Variants in VPS13B observed in about 807,000 individuals in gnomAD.
The protein encoded by VPS13B is intermembrane lipid transfer protein VPS13B.
In VPS13B, 285 loss-of-function variants were observed where a neutral mutation model predicts 426.4. The observed-to-expected ratio is 0.67, with a 90% confidence interval of 0.61 to 0.74. The LOEUF (loss-of-function observed/expected upper bound fraction) is 0.74. Among genes scored for constraint, VPS13B ranks in the 30% least tolerant of loss-of-function variants. VPS13B has a pLI of 0.00. For missense variants in VPS13B, 4,537 were observed against 4,782.6 expected, an observed-to-expected ratio of 0.95 and a Z score of 1.51; for synonymous variants, 1,676 against 1,676.4, an observed-to-expected ratio of 1.00 and a Z score of 0.01.
intron 33 of VPS13B, among the ~76,000 whole-genome samples, chr8:99,593,971 A>C (rs1303943812): frequency 1.3e-5 from 2 of 151,800 alleles, no homozygotes; most frequent in Non-Finnish European, 2.9e-5. Context: ...TGGATGCTGC[A>C]CCTAATACCT....
intron 51 of VPS13B, among the ~76,000 whole-genome samples, chr8:99,829,124 T>G (rs1814896484): frequency 1.3e-5 from 2 of 152,202 alleles, no homozygotes; most frequent in Non-Finnish European, 2.9e-5. Context: ...TTCTCTGTAT[T>G]TCCTGAATTT....
intron 22 of VPS13B, among the ~76,000 whole-genome samples, chr8:99,439,294 T>C (rs1442720292): frequency 3.3e-5 from 5 of 152,156 alleles, no homozygotes. Flanking sequence ...AACTATATAG[T>C]GTACAAAATA....
intron 35 of VPS13B, among the ~76,000 whole-genome samples, chr8:99,670,376 T>C (rs1830662953): frequency 6.6e-6 from 1 of 152,120 alleles, no homozygotes; most frequent in Non-Finnish European, 1.5e-5. Flanking sequence ...TACAAACATT[T>C]AAGGTGTACA....
intron 43 of VPS13B, among the ~76,000 whole-genome samples, chr8:99,808,141 T>G (rs1224535593): frequency 6.6e-6 from 1 of 152,168 alleles, no homozygotes; most frequent in African/African-American, 2.4e-5. Context: ...GAGATTTACC[T>G]TTGGTTAGCT....
chr8:99,063,667 A>G (rs1035951244), intron 3 of VPS13B, among the ~76,000 whole-genome samples: 1 of 152,240 alleles, frequency 6.6e-6, no homozygotes, highest in Non-Finnish European at 1.5e-5. Flanking sequence ...AAGGCAGCAG[A>G]AACTTCTTCA....
chr8:99,475,790 C>T (rs957290656), intron 24 of VPS13B, among the ~76,000 whole-genome samples: 1 of 152,178 alleles, frequency 6.6e-6, no homozygotes, highest in Admixed American at 6.5e-5. Flanking sequence ...TCACCTGGTT[C>T]CCAGTGCCAC....
At chr8:99,071,506 C>T (rs1844851978) in intron 3 of VPS13B, among the ~76,000 whole-genome samples, 1 of 152,136 alleles carries the variant, frequency 6.6e-6, no homozygotes, top group Non-Finnish European at 1.5e-5. Context: ...ACCACTATGA[C>T]TCGTTGGGTC....
chr8:99,337,691 A>C (rs1217122719), intron 19 of VPS13B, among the ~76,000 whole-genome samples: 2 of 152,096 alleles, frequency 1.3e-5, no homozygotes, highest in African/African-American at 2.4e-5. Flanking sequence ...TTTCATAACA[A>C]TGTTTTACAA....
At chr8:99,364,430 C>CT (rs957941655) in intron 19 of VPS13B, among the ~76,000 whole-genome samples, 26 of 151,448 alleles carry the variant, frequency 1.7e-4, no homozygotes, top group African/African-American at 4.1e-4. Context: ...CCGTAGTTTT[C>CT]TTTTTTTTGT....
intron 3 of VPS13B, among the ~76,000 whole-genome samples, chr8:99,070,685 T>G (rs1844810454): frequency 6.6e-6 from 1 of 152,218 alleles, no homozygotes; most frequent in African/African-American, 2.4e-5. Context: ...ATTTTATTTC[T>G]TAGTTTTCTC....
At chr8:99,565,744 T>C (rs575366496) in intron 31 of VPS13B, among the ~76,000 whole-genome samples, 51 of 152,046 alleles carry the variant, frequency 3.4e-4, no homozygotes, top group African/African-American at 1.0e-3. Flanking sequence ...AAGAAAGAAG[T>C]TTTCTTTGTT....
chr8:99,813,629 T>C (rs1278718450), intron 44 of VPS13B, among the ~76,000 whole-genome samples: 1 of 152,240 alleles, frequency 6.6e-6, no homozygotes, highest in Non-Finnish European at 1.5e-5. Flanking sequence ...AGCATAGTTT[T>C]AAAAGATTAT....
chr8:99,189,940 A>G (rs1813462552), intron 16 of VPS13B, among the ~76,000 whole-genome samples: 1 of 152,120 alleles, frequency 6.6e-6, no homozygotes, highest in South Asian at 2.1e-4. Context: ...GTGTCCTACA[A>G]ATGTCAGTTA....
At chr8:99,022,693 G>C (rs1293964504) in intron 2 of VPS13B, among the ~76,000 whole-genome samples, 2 of 151,894 alleles carry the variant, frequency 1.3e-5, no homozygotes, top group African/African-American at 4.8e-5. Flanking sequence ...TCAGTTACTA[G>C]ATGATGAGGT....
intron 60 of VPS13B, 59 bp from the exon 61 acceptor site, chr8:99,871,389 T>C (rs1321884504): frequency 6.2e-7 from 1 of 1,612,352 alleles, no homozygotes; most frequent in African/African-American, 1.3e-5. Context: ...TAATGAGCAC[T>C]GATAAGTGAC....
At chr8:99,673,721 T>G (rs926905651) in intron 35 of VPS13B, among the ~76,000 whole-genome samples, 2 of 152,058 alleles carry the variant, frequency 1.3e-5, no homozygotes, top group African/African-American at 4.8e-5. Context: ...CTTTCTTCAT[T>G]TATACTGTAG....
intron 33 of VPS13B, among the ~76,000 whole-genome samples, chr8:99,586,829 A>G (rs1826323896): frequency 6.6e-6 from 1 of 152,156 alleles, no homozygotes; most frequent in Non-Finnish European, 1.5e-5. Context: ...ATTAGAAAAG[A>G]AAACTATTTT....
At chr8:99,686,643 A>G (rs1471287282) in intron 35 of VPS13B, among the ~76,000 whole-genome samples, 1 of 151,924 alleles carries the variant, frequency 6.6e-6, no homozygotes, top group Non-Finnish European at 1.5e-5. Flanking sequence ...CCACCATCCC[A>G]GGCCTGCAGC....
intron 17 of VPS13B, among the ~76,000 whole-genome samples, chr8:99,226,258 C>G (rs906488362): frequency 1.4e-4 from 21 of 152,140 alleles, no homozygotes; most frequent in Non-Finnish European, 2.8e-4. Flanking sequence ...AAAATCTTCC[C>G]TACTCTCATA....
Sources: gnomAD v4.1 joint callset for allele counts (sites outside exome capture counted in the v4.1 genomes callset) on GRCh38, gnomAD v4.1.1 for gene constraint, MANE v1.5 for transcripts, NCBI Gene and HGNC (gene_info 2026-07-23, HGNC 2026-07-21) for gene names.